Variants in BAZ2B observed in about 807,000 individuals in gnomAD.
BAZ2B encodes the protein bromodomain adjacent to zinc finger domain 2B, also known as bromodomain adjacent to zinc finger domain protein 2B.
In BAZ2B, 91 loss-of-function variants were observed where a neutral mutation model predicts 246.0. The ratio of observed to expected loss-of-function variants is 0.37; its 90% CI spans 0.31 to 0.44. The LOEUF (loss-of-function observed/expected upper bound fraction) is 0.44, where lower values mean the gene tolerates loss of function less well. Among genes scored for constraint, BAZ2B ranks in the 20% least tolerant of loss-of-function variants. BAZ2B has a pLI of 1.00. For synonymous variants in BAZ2B, 855 were observed against 860.0 expected, an observed-to-expected ratio of 0.99 and a Z score of 0.10; for missense variants, 2,332 against 2,533.7, an observed-to-expected ratio of 0.92 and a Z score of 1.71.
chr2:159,336,087 G>C (rs1465761451), intron 33 of BAZ2B, among the ~76,000 whole-genome samples: 7 of 152,158 alleles, frequency 4.6e-5, no homozygotes, highest in African/African-American at 1.7e-4. Context: ...CCTGAACCCA[G>C]GAGGCAGAGG....
chr2:159,467,464 A>T (rs1052176191), intron 3 of BAZ2B, among the ~76,000 whole-genome samples: 1 of 152,104 alleles, frequency 6.6e-6, no homozygotes, highest in African/African-American at 2.4e-5. Context: ...GGCCAGTGCA[A>T]GGGGAGGTAT....
chr2:159,692,089 C>A, the BAZ2B span, among the ~76,000 whole-genome samples: 1 of 152,036 alleles, frequency 6.6e-6, no homozygotes, highest in Non-Finnish European at 1.5e-5. Flanking sequence ...TTTATGGTAG[C>A]AAATGATAAA....
the BAZ2B span, among the ~76,000 whole-genome samples, chr2:159,641,415 C>T: frequency 2.0e-5 from 3 of 152,004 alleles, no homozygotes; most frequent in Non-Finnish European, 1.5e-5. Flanking sequence ...AGTGGGTTTT[C>T]TTTTCTTGTA....
intron 3 of BAZ2B, among the ~76,000 whole-genome samples, chr2:159,472,617 G>C (rs942865912): frequency 1.3e-5 from 2 of 152,156 alleles, no homozygotes; most frequent in African/African-American, 4.8e-5. Context: ...TATTGGCTGT[G>C]GGTCTGTAAT....
intron 1 of BAZ2B, among the ~76,000 whole-genome samples, chr2:159,585,695 C>T (rs1687869515): frequency 6.6e-6 from 1 of 152,156 alleles, no homozygotes; most frequent in African/African-American, 2.4e-5. Flanking sequence ...TTCTGATACC[C>T]AGAATTATTT....
intron 2 of BAZ2B, among the ~76,000 whole-genome samples, chr2:159,538,376 T>A (rs1463887704): frequency 6.6e-6 from 1 of 152,248 alleles, no homozygotes; most frequent in Non-Finnish European, 1.5e-5. Context: ...TTTGATTTAA[T>A]CCTTGCATGT....
chr2:159,455,036 T>C (rs1291498994), intron 3 of BAZ2B, among the ~76,000 whole-genome samples: 1 of 152,144 alleles, frequency 6.6e-6, no homozygotes, highest in African/African-American at 2.4e-5. Flanking sequence ...AAGAGAATAC[T>C]CTAGGTTATC....
intron 1 of BAZ2B, among the ~76,000 whole-genome samples, chr2:159,563,675 G>T (rs2090091458): frequency 6.6e-6 from 1 of 152,162 alleles, no homozygotes; most frequent in Non-Finnish European, 1.5e-5. Flanking sequence ...AGGGGAAGGA[G>T]GAGTGGAAGT....
In BAZ2B at chr2:159,372,438, C is replaced by T. The variant is rs143771124; in HGVS notation, c.4213+607G>A. On this transcript the variant is annotated intron_variant, in intron 27 of 36. Transcript: ENST00000392783. ...ACATGGAGCTCTGAAAAGTTAAATT[C>T]GAGAAGGTTTACTGAGCACATAAAT... Among the ~76,000 whole-genome samples, 644 of 152,224 alleles carry T rather than the reference C, an allele frequency of 4.2e-3. 4 individuals are homozygous for T. Among genetic ancestry groups the T allele is most frequent in the East Asian group, 5.8e-3 (30 of 5,170 alleles).
intron 4 of BAZ2B, among the ~76,000 whole-genome samples, chr2:159,452,104 CTTCT>C (rs1335519592): frequency 1.3e-5 from 2 of 152,162 alleles, no homozygotes; most frequent in Non-Finnish European, 1.5e-5. Flanking sequence ...TGGTTTAAGA[CTTCT>C]TTAACTGTCC....
intron 1 of BAZ2B, among the ~76,000 whole-genome samples, chr2:159,559,872 G>A (rs1197165319): frequency 1.3e-5 from 2 of 152,078 alleles, no homozygotes; most frequent in African/African-American, 4.8e-5. Context: ...TTCAACTAAT[G>A]TATTGGTTAT....
chr2:159,438,274 A>G (rs1171294429), intron 8 of BAZ2B, 29 bp downstream of exon 8: 1 of 1,577,902 alleles, frequency 6.3e-7, no homozygotes, highest in Admixed American at 1.8e-5. Context: ...CTAATAGTAA[A>G]ATTCTTGTAT....
intron 34 of BAZ2B, 71 bp downstream of exon 34, chr2:159,332,469 T>A (rs2064946879): frequency 1.4e-6 from 2 of 1,450,090 alleles, no homozygotes; most frequent in Admixed American, 4.2e-5. Flanking sequence ...CCTGGGCAAC[T>A]GAGACCATGT....
At chr2:159,603,991 A>G (rs1420333478) in intron 1 of BAZ2B, among the ~76,000 whole-genome samples, 1 of 152,226 alleles carries the variant, frequency 6.6e-6, no homozygotes, top group Non-Finnish European at 1.5e-5. Context: ...GAATAATAGA[A>G]TTTTGAACAT....
chr2:159,432,688 GA>G (rs781384662), intron 9 of BAZ2B, 68 bp downstream of exon 9: 37 of 1,528,612 alleles, frequency 2.4e-5, no homozygotes, highest in Non-Finnish European at 3.2e-5. Context: ...TCTGAATTAA[GA>G]AACCCTTTAA....
At position 159,343,950 on chromosome 2, in the gene BAZ2B, C is replaced by T. The variant is rs557078477; in HGVS notation, c.5454+3536G>A. Among the ~76,000 whole-genome samples, 9 of 148,934 alleles carry T rather than the reference C, an allele frequency of 6.0e-5. No homozygotes were observed. In the South Asian group the frequency reaches 8.5e-4, roughly 14 times the overall value. ...CTGAGGCAGCAGAATGGCGGGAACC[C>T]GGGAGGTGGAGCTTGCAGTGAGCCA... On this transcript the variant is annotated intron_variant, in intron 31 of 36. Transcript: ENST00000392783.
chr2:159,332,897 T>C, intron 33 of BAZ2B: 1 of 545,364 alleles, frequency 1.8e-6, no homozygotes, highest in Non-Finnish European at 3.2e-6. Flanking sequence ...AAATGCACAT[T>C]TCAAGTACAC....
At position 159,400,463 on chromosome 2, in the gene BAZ2B, A is replaced by G; in HGVS notation, c.2898+136T>C. On this transcript the variant is annotated intron_variant, in intron 17 of 36. Transcript: ENST00000392783. ...CTAAATAAGGCTCAGATAAAGTTTT[A>G]TTCTATGCAGAATGTTTAAAGAGAA... 2.1e-5 allele frequency: 12 copies of G among 581,846 alleles called. No homozygotes were observed. In the South Asian group the frequency reaches 2.4e-4, roughly 12 times the overall value. The allele number at this position is 581,846 out of a possible 1,614,324, so 36.0% of individuals were successfully genotyped here. A position where few individuals can be genotyped will look rare whatever the true frequency, so the allele number is the denominator to read the frequency against.
the BAZ2B span, among the ~76,000 whole-genome samples, chr2:159,668,657 T>C: frequency 6.6e-6 from 1 of 152,190 alleles, no homozygotes; most frequent in Admixed American, 6.6e-5. Context: ...GGGTGGTGGA[T>C]TTCTGTTCTT....
Sources: allele counts gnomAD v4.1 joint callset (sites outside exome capture counted in the v4.1 genomes callset), GRCh38; gene constraint gnomAD v4.1.1; transcripts MANE v1.5; gene names NCBI Gene and HGNC (gene_info 2026-07-23, HGNC 2026-07-21).